FOXH1: variants seen among roughly 807,000 people sequenced by gnomAD.
The protein encoded by FOXH1 is forkhead box protein H1.
FOXH1 carries 10 observed loss-of-function variants against 14.2 expected under a neutral mutation model. The observed-to-expected ratio is 0.70, with a 90% confidence interval of 0.43 to 1.19. The LOEUF is 1.19. Ranked by LOEUF, FOXH1 falls within the 50% of genes most tolerant of loss-of-function variation. The probability of loss-of-function intolerance (pLI) is 0.00; values close to 1 mark genes in which losing one functional copy is unlikely to be tolerated. For synonymous variants in FOXH1, 273 were observed against 209.5 expected (o/e 1.30, Z -2.62); for missense variants, 643 against 492.1 (o/e 1.31, Z -2.90).
Position 144,473,534 on chromosome 8 carries a change from T to C in FOXH1, c.*704A>G. 1.6e-6 allele frequency: 2 copies of C among 1,258,350 alleles called. No individual in the cohort carries two copies. Among genetic ancestry groups the C allele is most frequent in the Admixed American group, 3.0e-5 (1 of 33,186 alleles). The allele number at this position is 1,258,350 out of a possible 1,614,324, so 77.9% of individuals were successfully genotyped here. The stretch of plus-strand genomic sequence containing the variant: ...GCCCCTGAGCTCCCAGAGTCACCCC[T>C]CCACCTCCGCAGCCAGTGAAGTGTG... On this transcript the variant is annotated 3_prime_UTR_variant, in exon 3 of 3. Transcript: ENST00000377317.
intron 1 of FOXH1, 127 bp downstream of exon 1, chr8:144,475,456 G>T: frequency 1.1e-6 from 1 of 875,808 alleles, no homozygotes; most frequent in Non-Finnish European, 1.8e-6. Context: ...GAGGCCCTCA[G>T]CTCTCAGGAC....
chr8:144,474,459 A>G lies in FOXH1; in HGVS notation c.877T>C (p.Leu293=), dbSNP rs1199537249. ...PIYTPNVVMP[L]APPPTSCPQC... ...GGACAGGAGGTGGGTGGTGGTGCCA[A>G]GGGCATTACCACATTGGGAGTGTAG... Residue 293 remains leucine, a synonymous_variant, in exon 3 of 3, where the codon TTG becomes CTG. Transcript: ENST00000377317. The G allele has an allele frequency of 1.2e-6, 2 of 1,612,610 alleles. No individual in the cohort carries two copies. Among genetic ancestry groups the G allele is most frequent in the Non-Finnish European group, 8.5e-7 (1 of 1,179,976 alleles).
intron 2 of FOXH1, 24 bp from the exon 3 acceptor site, chr8:144,475,080 G>C (rs751677345): frequency 6.2e-7 from 1 of 1,600,428 alleles, no homozygotes; most frequent in Non-Finnish European, 8.5e-7. Context: ...TCAGACATGG[G>C]TGGGGCTGCC....
Position 144,475,648 on chromosome 8 carries a change from T to C in FOXH1, c.109A>G (p.Thr37Ala). The change falls in exon 1 of 3, where the codon ACC (threonine) becomes GCC (alanine). Residue 37 changes from threonine (T) to alanine (A), a missense_variant. Physicochemically the swap from Thr to Ala is moderately conservative, Grantham distance 58. Transcript: ENST00000377317. ...ACCAAGGCGATCATGGCCAAGTAGG[T>C]GTAGGGGGGCTTGTCATGTCGCAGG... ...RYLRHDKPPY[T>A]YLAMIALVIQ... is the part of the protein sequence containing the mutation. 7.0e-7 allele frequency: 1 copy of C among 1,428,770 alleles called. No individual in the cohort carries two copies. Among genetic ancestry groups the C allele is most frequent in the Non-Finnish European group, 9.2e-7 (1 of 1,088,906 alleles). The allele number at this position is 1,428,770 out of a possible 1,614,324, so 88.5% of individuals were successfully genotyped here.
chr8:144,474,749 G>A lies in FOXH1; in HGVS notation c.587C>T (p.Thr196Ile). The A allele has an allele frequency of 6.4e-7, 1 of 1,571,414 alleles. No homozygotes were observed. Among genetic ancestry groups the A allele is most frequent in the Non-Finnish European group, 8.6e-7 (1 of 1,156,436 alleles). The change falls in exon 3 of 3, where the codon ACA becomes ATA. Residue 196 changes from threonine (T) to isoleucine (I), a missense_variant. Coordinates refer to ENST00000377317, the MANE Select transcript of FOXH1 (RefSeq NM_003923.3). ...CACCGCCTCCTCCCCACTGTTCCCT[G>A]TGCCTGCAGGAACTGGGCTGCTCTG... ...APQSSPVPAGTGNSGEEAVPT... is the reference protein window; with the variant it reads ...APQSSPVPAGIGNSGEEAVPT...
In FOXH1 at chr8:144,473,587, G is replaced by A; in HGVS notation, c.*651C>T. On this transcript the variant is annotated 3_prime_UTR_variant, in exon 3 of 3. Coordinates refer to ENST00000377317, the MANE Select transcript of FOXH1 (RefSeq NM_003923.3). ...GTGCCTGCTGAAGTGATCACCCCCC[G>A]CCCCCAGCCCTGCATCAGGCCACAG... The A allele has an allele frequency of 1.4e-6, 1 of 699,324 alleles. No homozygotes were observed. The highest frequency in any genetic ancestry group is 2.4e-5 in the South Asian group (1 of 40,898). The allele number at this position is 699,324 out of a possible 1,614,324, so 43.3% of individuals were successfully genotyped here.
rs1287757787 is a variant in FOXH1, at chr8:144,475,179, G to A, written c.257C>T (p.Ser86Phe). 6.2e-7 allele frequency: 1 copy of A among 1,613,638 alleles called. No individual in the cohort carries two copies. Among genetic ancestry groups the A allele is most frequent in the Non-Finnish European group, 8.5e-7 (1 of 1,179,908 alleles). Residue 86 changes from serine (S) to phenylalanine (F), a missense_variant, in exon 2 of 3, where the codon TCC (serine) becomes TTC (phenylalanine). Transcript: ENST00000377317. ...CACCTTGCGGAAGCATCGGTTGGAG[G>A]AAAGGTTGTGGCGAATGGAGTCTTT... ...GWKDSIRHNL[S>F]SNRCFRKVPK...
chr8:144,474,419 G>C lies in FOXH1; in HGVS notation c.917C>G (p.Thr306Ser). Residue 306 changes from threonine (T) to serine (S), a missense_variant, in exon 3 of 3, where the codon ACC becomes AGC. Thr to Ser is a moderately conservative substitution (Grantham distance 58). Coordinates refer to ENST00000377317, the MANE Select transcript of FOXH1 (RefSeq NM_003923.3). ...PPTSCPQCPSTSPAYWGVAPE... is the reference protein window; with the variant it reads ...PPTSCPQCPSSSPAYWGVAPE... The stretch of plus-strand genomic sequence containing the variant: ...GGCCACCCCCCAGTAGGCAGGGCTG[G>C]TTGACGGACACTGGGGACAGGAGGT... The C allele has an allele frequency of 6.2e-7, 1 of 1,613,286 alleles. No individual in the cohort carries two copies. The highest frequency in any genetic ancestry group is 8.5e-7 in the Non-Finnish European group (1 of 1,180,014).
At position 144,474,511 on chromosome 8, in the gene FOXH1, C is replaced by T. The variant is rs1357197339; in HGVS notation, c.825G>A (p.Gly275=). The change falls in exon 3 of 3, where the codon GGG becomes GGA. Residue 275 remains glycine, a synonymous_variant. Transcript: ENST00000377317. ...SSGGHRASLW[G]QLPTSYLPIY... ...TAGGCAAGTAGGAGGTGGGCAGCTG[C>T]CCCCAGAGGGAGGCCCTGTGTCCCC... The T allele has an allele frequency of 9.9e-6, 16 of 1,611,056 alleles. No homozygotes were observed. The highest frequency in any genetic ancestry group is 1.4e-5 in the Non-Finnish European group (16 of 1,179,930).
At chr8:144,475,383 G>T in intron 1 of FOXH1, 122 bp from the exon 2 acceptor site, 1 of 971,202 alleles carries the variant, frequency 1.0e-6, no homozygotes, top group South Asian at 1.4e-5. Flanking sequence ...CCCCGAAGAA[G>T]GACATTTCTG....
rs201165974 is a variant in FOXH1, at chr8:144,474,435, G to T, written c.901C>A (p.Pro301Thr). Residue 301 changes from proline to threonine, a missense_variant, in exon 3 of 3, where the codon CCC (proline) becomes ACC (threonine). Transcript: ENST00000377317. The part of the protein sequence containing the change: ...MPLAPPPTSC[P>T]QCPSTSPAYW... The stretch of plus-strand genomic sequence containing the variant: ...GCAGGGCTGGTTGACGGACACTGGG[G>T]ACAGGAGGTGGGTGGTGGTGCCAAG... 1.9e-6 allele frequency: 3 copies of T among 1,613,186 alleles called. No individual in the cohort carries two copies. The highest frequency in any genetic ancestry group is 2.7e-5 in the African/African-American group (2 of 75,060).
At position 144,475,791 on chromosome 8, in the gene FOXH1, C is replaced by T. The variant is rs1825134292; in HGVS notation, c.-35G>A. 3 of 1,265,820 alleles carry T rather than the reference C, an allele frequency of 2.4e-6. No homozygotes were observed. Among genetic ancestry groups the T allele is most frequent in the East Asian group, 3.4e-5 (1 of 29,374 alleles). The allele number at this position is 1,265,820 out of a possible 1,614,324, so 78.4% of individuals were successfully genotyped here. On this transcript the variant is annotated 5_prime_UTR_variant, in exon 1 of 3. Coordinates refer to ENST00000377317, the MANE Select transcript of FOXH1 (RefSeq NM_003923.3). ...TAGACAGCGTGGGCAGGGGCCTGGC[C>T]GGGTGGAGGGTGCAGGGCGGTGGGG...
In FOXH1 at chr8:144,473,536, C is replaced by T. The variant is rs368758656; in HGVS notation, c.*702G>A. 38 of 1,247,230 alleles carry T rather than the reference C, an allele frequency of 3.0e-5. 1 individual carries two copies. Among genetic ancestry groups the T allele is most frequent in the East Asian group, 2.4e-4 (9 of 36,820 alleles). The allele number at this position is 1,247,230 out of a possible 1,614,324, so 77.3% of individuals were successfully genotyped here. On this transcript the variant is annotated 3_prime_UTR_variant, in exon 3 of 3. Coordinates refer to ENST00000377317, the MANE Select transcript of FOXH1 (RefSeq NM_003923.3). ...CCCTGAGCTCCCAGAGTCACCCCTC[C>T]ACCTCCGCAGCCAGTGAAGTGTGTT...
intron 2 of FOXH1, 25 bp downstream of exon 2, chr8:144,475,132 G>T: frequency 1.9e-6 from 3 of 1,610,562 alleles, no homozygotes; most frequent in Non-Finnish European, 1.7e-6. Flanking sequence ...CTCCGCCCCC[G>T]GGCTCCGACC....
chr8:144,474,540 T>G lies in FOXH1; in HGVS notation c.796A>C (p.Ser266Arg). The G allele has an allele frequency of 6.2e-7, 1 of 1,611,028 alleles. No individual in the cohort carries two copies. The highest frequency in any genetic ancestry group is 1.1e-5 in the South Asian group (1 of 91,006). ...QGTAVPGGRS[S>R]GGHRASLWGQ... ...CAGAGGGAGGCCCTGTGTCCCCCGC[T>G]GGACCGTCCCCCAGGAACTGCGGTG... Residue 266 changes from serine to arginine, a missense_variant, in exon 3 of 3, where the codon AGC (serine) becomes CGC (arginine). Physicochemically the swap from Ser to Arg is moderately radical, Grantham distance 110 (BLOSUM62 -1). Transcript: ENST00000377317.
At position 144,474,673 on chromosome 8, in the gene FOXH1, G is replaced by C; in HGVS notation, c.663C>G (p.Pro221=). ...SSERPLWPLC[P]LPGPTRVEGE... Reference sequence around the variant, plus strand: ...CCTCCACTCTCGTGGGGCCAGGAAGGGGGCAGAGGGGCCACAGAGGCCTCT... The same window carrying C: ...CCTCCACTCTCGTGGGGCCAGGAAGCGGGCAGAGGGGCCACAGAGGCCTCT... Residue 221 remains proline (P), a synonymous_variant, in exon 3 of 3, where the codon CCC becomes CCG. Transcript: ENST00000377317. 1 of 1,543,500 alleles carries C rather than the reference G, an allele frequency of 6.5e-7. No individual in the cohort carries two copies. The highest frequency in any genetic ancestry group is 8.7e-7 in the Non-Finnish European group (1 of 1,143,728).
In FOXH1 at chr8:144,475,277, G is replaced by A. The variant is rs760500417; in HGVS notation, c.175-16C>T. The A allele has an allele frequency of 2.5e-6, 4 of 1,603,258 alleles. No homozygotes were observed. Among genetic ancestry groups the A allele is most frequent in the Non-Finnish European group, 2.6e-6 (3 of 1,173,000 alleles). ...GACGGATGATCTGAAACCGCCAGGC[G>A]GCCGGCCGGCGCCGTGAGCCCAGAC... On this transcript the variant is annotated splice_polypyrimidine_tract_variant and intron_variant, in intron 1 of 2. Transcript: ENST00000377317.
In FOXH1 at chr8:144,474,562, G is replaced by A. The variant is rs754173723; in HGVS notation, c.774C>T (p.Thr258=). 3 of 1,610,660 alleles carry A rather than the reference G, an allele frequency of 1.9e-6. No individual in the cohort carries two copies. Among genetic ancestry groups the A allele is most frequent in the South Asian group, 1.1e-5 (1 of 90,962 alleles). ...RAWPLHLLQG[T]AVPGGRSSGG... ...CGCTGGACCGTCCCCCAGGAACTGCGGTGCCCTGCAGTAAGTGGAGAGGCC... is the reference window on the plus strand; with the variant it reads ...CGCTGGACCGTCCCCCAGGAACTGCAGTGCCCTGCAGTAAGTGGAGAGGCC... The change falls in exon 3 of 3, where the codon ACC becomes ACT. Residue 258 remains threonine, a synonymous_variant. Coordinates refer to ENST00000377317, the MANE Select transcript of FOXH1 (RefSeq NM_003923.3).
Position 144,474,047 on chromosome 8 carries a change from A to G in FOXH1, c.*191T>C. 1.7e-6 allele frequency: 1 copy of G among 590,490 alleles called. No individual in the cohort carries two copies. Among genetic ancestry groups the G allele is most frequent in the South Asian group, 2.2e-5 (1 of 46,030 alleles). 36.6% of individuals were successfully genotyped at this position (590,490 alleles called of 1,614,324 possible). A position where few individuals can be genotyped will look rare whatever the true frequency, so the allele number is the denominator to read the frequency against. Reference sequence around the variant, plus strand: ...GTAGGAAAAACAGGCATGACAGACCAGGGTGAGGGTTGTGCCCAGCTGGGC... The same window carrying G: ...GTAGGAAAAACAGGCATGACAGACCGGGGTGAGGGTTGTGCCCAGCTGGGC... On this transcript the variant is annotated 3_prime_UTR_variant, in exon 3 of 3. Coordinates refer to ENST00000377317, the MANE Select transcript of FOXH1 (RefSeq NM_003923.3).
Sources: allele counts gnomAD v4.1 joint callset, GRCh38; gene constraint gnomAD v4.1.1; transcripts MANE v1.5; gene names NCBI Gene and HGNC (gene_info 2026-07-23, HGNC 2026-07-21).